ZNF99: variants seen among roughly 807,000 people sequenced by gnomAD.
ZNF99 encodes the protein zinc finger protein ENSP00000375192.
Under a neutral mutation model 12.8 loss-of-function variants are expected in ZNF99, and 8 were observed. The ratio of observed to expected loss-of-function variants is 0.62; its 90% CI spans 0.37 to 1.13. The LOEUF (loss-of-function observed/expected upper bound fraction) is 1.13, where lower values mean the gene tolerates loss of function less well. Ranked by LOEUF, ZNF99 falls within the 50% of genes most tolerant of loss-of-function variation. The pLI is 0.02. For synonymous variants in ZNF99, 318 were observed against 319.0 expected (o/e 1.00, Z 0.03); for missense variants, 1,007 against 1,006.2 (o/e 1.00, Z -0.01).
At chr19:22,774,628 G>A (rs901384625) in intron 1 of ZNF99, among the ~76,000 whole-genome samples, 1 of 152,160 alleles carries the variant, frequency 6.6e-6, no homozygotes, top group African/African-American at 2.4e-5. Context: ...CCAGCACTTT[G>A]GGAGGCCGAG....
chr19:22,781,194 A>T (rs1973383153), intron 1 of ZNF99, among the ~76,000 whole-genome samples: 1 of 152,160 alleles, frequency 6.6e-6, no homozygotes, highest in South Asian at 2.1e-4. Flanking sequence ...TAAAAAACTG[A>T]GGTCAAAATA....
At chr19:22,766,208 T>TA (rs1002434583) in intron 3 of ZNF99, among the ~76,000 whole-genome samples, 1 of 100,434 alleles carries the variant, frequency 1.0e-5, no homozygotes, top group Non-Finnish European at 2.1e-5. Context: ...CAAAACAAAA[T>TA]AAAAAAAATA....
At position 22,758,318 on chromosome 19, in the gene ZNF99, G is replaced by T; in HGVS notation, c.1591C>A (p.His531Asn). 6.2e-7 allele frequency: 1 copy of T among 1,612,920 alleles called. No homozygotes were observed. The highest frequency in any genetic ancestry group is 8.5e-7 in the Non-Finnish European group (1 of 1,179,408). Residue 531 changes from histidine (H) to asparagine (N), a missense_variant, in exon 4 of 4, where the codon CAT (histidine) becomes AAT (asparagine). By Grantham distance (68) the His-to-Asn change is moderately conservative. Transcript: ENST00000596209. ...FSALRKHKII[H>N]TGKKPYKCEE... ...CATTTGTAGGGTTTCTTTCCAGTAT[G>T]AATTATCTTATGTTTTCTAAGGGCT... is the stretch of plus-strand genomic sequence containing the variant.
intron 3 of ZNF99, among the ~76,000 whole-genome samples, chr19:22,766,524 A>G (rs557030289): frequency 6.6e-6 from 1 of 151,872 alleles, no homozygotes; most frequent in East Asian, 1.9e-4. Flanking sequence ...TTTTCAGTAG[A>G]GACGGGGTTT....
intron 1 of ZNF99, among the ~76,000 whole-genome samples, chr19:22,776,426 T>C (rs1274284158): frequency 1.1e-4 from 3 of 27,926 alleles, no homozygotes; most frequent in Non-Finnish European, 2.0e-4. Context: ...TATATATATA[T>C]ATATATATAT....
In ZNF99 at chr19:22,784,080, G is replaced by GGCCACAGAGGCTAAGGACACAGA; in HGVS notation, c.-87_-65dup. 6.3e-7 allele frequency: 1 copy of GGCCACAGAGGCTAAGGACACAGA among 1,588,698 alleles called. No individual in the cohort carries two copies. The highest frequency in any genetic ancestry group is 1.3e-5 in the African/African-American group (1 of 74,244). On this transcript the variant is annotated 5_prime_UTR_variant, in exon 1 of 4. Transcript: ENST00000596209. ...ATCTCCAAATACCTACAGGTCACAG[G>GGCCACAGAGGCTAAGGACACAGA]GCCACAGAGGCTAAGGACACAGAGC... is the stretch of plus-strand genomic sequence containing the variant.
intron 3 of ZNF99, among the ~76,000 whole-genome samples, chr19:22,760,510 C>T (rs529434257): frequency 1.4e-3 from 211 of 152,172 alleles, no homozygotes; most frequent in Middle Eastern, 3.4e-3. Flanking sequence ...CTTGAGAGGC[C>T]TAGGTGGGCA....
Position 22,756,181 on chromosome 19 carries a change from A to T in ZNF99, c.*1133T>A. Reference sequence around the variant, plus strand: ...TATTAAGGTTTGTAAAATGGTTGAAAGCTTTGACACATTCTTCACATTTTT... The same window carrying T: ...TATTAAGGTTTGTAAAATGGTTGAATGCTTTGACACATTCTTCACATTTTT... On this transcript the variant is annotated 3_prime_UTR_variant, in exon 4 of 4. Coordinates refer to ENST00000596209, the MANE Select transcript of ZNF99 (RefSeq NM_001080409.3). 7.7e-6 allele frequency: 12 copies of T among 1,550,482 alleles called. No homozygotes were observed. Among genetic ancestry groups the T allele is most frequent in the Non-Finnish European group, 8.8e-6 (10 of 1,142,340 alleles).
At position 22,759,144 on chromosome 19, in the gene ZNF99, T is replaced by C. The variant is rs764005698; in HGVS notation, c.765A>G (p.Lys255=). Residue 255 remains lysine (K), a synonymous_variant, in exon 4 of 4, where the codon AAA becomes AAG. Transcript: ENST00000596209. ...TKCKIIHTGK[K]PCKCEECGKV... Reference sequence around the variant, plus strand: ...TGCCACATTCTTCACATTTGCAGGGTTTCTTTCCAGTATGAATTATCTTAC... The same window carrying C: ...TGCCACATTCTTCACATTTGCAGGGCTTCTTTCCAGTATGAATTATCTTAC... 71 of 1,609,726 alleles carry C rather than the reference T, an allele frequency of 4.4e-5. No homozygotes were observed. The highest frequency in any genetic ancestry group is 2.4e-4 in the South Asian group (22 of 90,874).
Position 22,784,117 on chromosome 19 carries a change from G to A in ZNF99, c.-101C>T. ...TAAGGACACAGAGCAGTAAAAACGA[G>A]ATCCGGAGCTCCAGCTGGAACCAGA... On this transcript the variant is annotated 5_prime_UTR_variant, in exon 1 of 4. Coordinates refer to ENST00000596209, the MANE Select transcript of ZNF99 (RefSeq NM_001080409.3). 2 of 1,360,336 alleles carry A rather than the reference G, an allele frequency of 1.5e-6. No homozygotes were observed. The highest frequency in any genetic ancestry group is 1.3e-5 in the South Asian group (1 of 77,640). The allele number at this position is 1,360,336 out of a possible 1,614,324, so 84.3% of individuals were successfully genotyped here.
intron 1 of ZNF99, among the ~76,000 whole-genome samples, chr19:22,771,517 A>T (rs1210062656): frequency 1.3e-5 from 2 of 151,814 alleles, no homozygotes; most frequent in South Asian, 4.1e-4. Flanking sequence ...GGCCTCCCAA[A>T]GTGCTGGGAT....
At chr19:22,775,358 T>C (rs1973314694) in intron 1 of ZNF99, among the ~76,000 whole-genome samples, 1 of 152,306 alleles carries the variant, frequency 6.6e-6, no homozygotes, top group East Asian at 1.9e-4. Flanking sequence ...TAGCAGTATG[T>C]AGAAAATTGA....
Position 22,756,151 on chromosome 19 carries a change from A to C in ZNF99, c.*1163T>G. The C allele has an allele frequency of 1.3e-6, 2 of 1,512,678 alleles. No homozygotes were observed. 93.7% of individuals were successfully genotyped at this position (1,512,678 alleles called of 1,614,324 possible). A position where few individuals can be genotyped will look rare whatever the true frequency, so the allele number is the denominator to read the frequency against. Reference sequence around the variant, plus strand: ...GTCTGTCTCTAGTATAAATTATCTTATGTGTATTAAGGTTTGTAAAATGGT... The same window carrying C: ...GTCTGTCTCTAGTATAAATTATCTTCTGTGTATTAAGGTTTGTAAAATGGT... On this transcript the variant is annotated 3_prime_UTR_variant, in exon 4 of 4. Coordinates refer to ENST00000596209, the MANE Select transcript of ZNF99 (RefSeq NM_001080409.3).
chr19:22,771,566 T>C (rs1034039253), intron 1 of ZNF99, among the ~76,000 whole-genome samples: 2 of 151,766 alleles, frequency 1.3e-5, no homozygotes, highest in Non-Finnish European at 2.9e-5. Flanking sequence ...AAAAGCATTT[T>C]CTTAAAGCTG....
intron 1 of ZNF99, among the ~76,000 whole-genome samples, chr19:22,776,105 T>A (rs1973323300): frequency 6.6e-6 from 1 of 151,128 alleles, no homozygotes; most frequent in African/African-American, 2.4e-5. Flanking sequence ...AATCCCAGCA[T>A]CTTGGGAGGC....
In ZNF99 at chr19:22,759,669, AT is replaced by A. The variant is rs757261145; in HGVS notation, c.239del (p.His80LeufsTer12). 1 of 1,538,782 alleles carries A rather than the reference AT, an allele frequency of 6.5e-7. No homozygotes were observed. Among genetic ancestry groups the A allele is most frequent in the Admixed American group, 2.3e-5 (1 of 43,744 alleles). On this transcript the variant is annotated frameshift_variant, in exon 4 of 4. Coordinates refer to ENST00000596209, the MANE Select transcript of ZNF99 (RefSeq NM_001080409.3). LOFTEE classifies it low-confidence loss of function (END_TRUNC). ...GATCTGGCCAAAAGTCTTGTGTAAA[AT>A]GAGAACTAATAACTGGAAGAAATGA... ...MVTKPPVISS[H>X]FTQDFWPDQS...
intron 2 of ZNF99, 44 bp downstream of exon 2, chr19:22,769,154 C>T: frequency 6.4e-7 from 1 of 1,567,128 alleles, no homozygotes; most frequent in African/African-American, 1.4e-5. Context: ...AGAAATGAAA[C>T]CTATAGAATA....
At chr19:22,783,987 T>G in intron 1 of ZNF99, 27 bp downstream of exon 1, 1 of 1,613,710 alleles carries the variant, frequency 6.2e-7, no homozygotes, top group Non-Finnish European at 8.5e-7. Flanking sequence ...CTTCCCCTTC[T>G]CAGGATATCG....
At position 22,758,670 on chromosome 19, in the gene ZNF99, A is replaced by G. The variant is rs757941521; in HGVS notation, c.1239T>C (p.Thr413=). Residue 413 remains threonine, a synonymous_variant, in exon 4 of 4, where the codon ACT becomes ACC. Coordinates refer to ENST00000596209, the MANE Select transcript of ZNF99 (RefSeq NM_001080409.3). ...CTGCAGTATGAATTACCTTATGTAC[A>G]GTAAGTTTTGAGGACCACTTAAAAG... is the stretch of plus-strand genomic sequence containing the variant. ...GKAFKWSSKL[T]VHKVIHTAEK... is the part of the protein sequence containing the mutation. 1.2e-5 allele frequency: 19 copies of G among 1,611,388 alleles called. No individual in the cohort carries two copies. The East Asian group carries it at 1.3e-4, about 11-fold the overall frequency.
Sources: allele counts gnomAD v4.1 joint callset (sites outside exome capture counted in the v4.1 genomes callset), GRCh38; gene constraint gnomAD v4.1.1; transcripts MANE v1.5; gene names NCBI Gene and HGNC (gene_info 2026-07-23, HGNC 2026-07-21).